The following MYO1D variants were observed in gnomAD, a reference collection of about 807,000 sequenced individuals.
MYO1D encodes the protein unconventional myosin-Id.
Under a neutral mutation model 122.0 loss-of-function variants are expected in MYO1D, and 83 were observed. The observed-to-expected ratio is 0.68, with a 90% CI of 0.57 to 0.82. MYO1D has a LOEUF of 0.82. MYO1D is among the 40% of genes least tolerant of loss of function. MYO1D has a pLI of 0.00. For synonymous variants in MYO1D, 464 were observed against 446.9 expected (o/e 1.04, Z -0.48); for missense variants, 1,157 against 1,269.5 (o/e 0.91, Z 1.35).
intron 3 of MYO1D, 23 bp downstream of exon 3, chr17:32,778,457 C>T (rs760987322): frequency 6.3e-7 from 1 of 1,595,960 alleles, no homozygotes. Context: ...AAGAATTCCT[C>T]CCCATTATTA....
At chr17:32,859,021 C>A (rs1172248884) in intron 1 of MYO1D, among the ~76,000 whole-genome samples, 1 of 152,200 alleles carries the variant, frequency 6.6e-6, no homozygotes, top group Admixed American at 6.5e-5. Flanking sequence ...ACCCATTTCT[C>A]CACAAAGCCC....
chr17:32,683,205 T>C (rs1184952544), intron 16 of MYO1D, among the ~76,000 whole-genome samples: 3 of 150,722 alleles, frequency 2.0e-5, no homozygotes, highest in Non-Finnish European at 4.4e-5. Flanking sequence ...TGTCCTCCCG[T>C]AGCTTAGAGT....
At chr17:32,663,187 G>A (rs1192553853) in intron 16 of MYO1D, among the ~76,000 whole-genome samples, 1 of 152,120 alleles carries the variant, frequency 6.6e-6, no homozygotes, top group African/African-American at 2.4e-5. Context: ...AAAGTGCTGG[G>A]ATTACAGGTG....
rs1567906348 is a variant in MYO1D at position 32,605,119 on chromosome 17, T to C, written c.2832A>G (p.Glu944=). ...AATGATTCACCAGCACTCCAACAAG[T>C]TCTCCAATTCGACTCTCATGGGTTG... ...KQPTHESRIG[E]LVGVLVNHFK... is the part of the protein sequence containing the mutation. Residue 944 remains glutamate, a synonymous_variant, in exon 21 of 22, where the codon GAA becomes GAG. Coordinates refer to ENST00000318217, the MANE Select transcript of MYO1D (RefSeq NM_015194.3). 1.9e-6 allele frequency: 3 copies of C among 1,602,882 alleles called. No individual in the cohort carries two copies. The highest frequency in any genetic ancestry group is 4.5e-5 in the East Asian group (2 of 44,554).
chr17:32,528,930 CAT>C (rs1910428732), intron 21 of MYO1D: 2 of 152,224 alleles, frequency 1.3e-5, no homozygotes, highest in African/African-American at 4.8e-5. Context: ...GAGAAAAAAA[CAT>C]GTCTGTGGTT....
chr17:32,686,780 C>G (rs2089014913), intron 16 of MYO1D, among the ~76,000 whole-genome samples: 1 of 152,042 alleles, frequency 6.6e-6, no homozygotes, highest in Non-Finnish European at 1.5e-5. Context: ...CAGGAGGGAT[C>G]ACCTGAGCCC....
chr17:32,520,840 T>C (rs1199531477), intron 21 of MYO1D, among the ~76,000 whole-genome samples: 2 of 152,222 alleles, frequency 1.3e-5, no homozygotes, highest in African/African-American at 4.8e-5. Context: ...CGTGAACTGC[T>C]GTTATTCCTG....
intron 21 of MYO1D, among the ~76,000 whole-genome samples, chr17:32,522,652 G>T (rs1362908453): frequency 6.6e-6 from 1 of 152,140 alleles, no homozygotes; most frequent in Non-Finnish European, 1.5e-5. Flanking sequence ...CTAAGGGGCA[G>T]TATGAGGACC....
intron 2 of MYO1D, among the ~76,000 whole-genome samples, chr17:32,779,847 C>G (rs1386181878): frequency 6.6e-6 from 1 of 152,038 alleles, no homozygotes; most frequent in African/African-American, 2.4e-5. Flanking sequence ...GTTTTGCTCA[C>G]CAAAATGGAA....
intron 16 of MYO1D, among the ~76,000 whole-genome samples, chr17:32,675,488 G>A (rs1037082822): frequency 2.0e-5 from 3 of 151,956 alleles, no homozygotes; most frequent in African/African-American, 7.2e-5. Flanking sequence ...GAAAATTGAG[G>A]TTTCTTAATT....
At chr17:32,637,663 T>C (rs1382093496) in intron 20 of MYO1D, among the ~76,000 whole-genome samples, 1 of 152,074 alleles carries the variant, frequency 6.6e-6, no homozygotes, top group Non-Finnish European at 1.5e-5. Flanking sequence ...AGAGTCAAAC[T>C]GTCTAAAAAA....
intron 16 of MYO1D, among the ~76,000 whole-genome samples, chr17:32,702,722 T>C (rs574343321): frequency 9.3e-4 from 141 of 152,348 alleles, no homozygotes; most frequent in Non-Finnish European, 1.7e-3. Flanking sequence ...TTATAGCAAG[T>C]ATTTCTATTA....
intron 1 of MYO1D, among the ~76,000 whole-genome samples, chr17:32,827,663 T>A (rs374991162): frequency 2.6e-4 from 40 of 152,118 alleles, no homozygotes; most frequent in African/African-American, 8.9e-4. Flanking sequence ...TCGATTCAAC[T>A]GACATGAACA....
At position 32,632,068 on chromosome 17, in the gene MYO1D, C is replaced by T. The variant is rs1306787126; in HGVS notation, c.2709+6654G>A. On this transcript the variant is annotated intron_variant, in intron 20 of 21. Transcript: ENST00000318217. ...TGCTAACTAAAGTAGAAAATATATT[C>T]TCCTAAAGCTTGCACCCAATTATAG... 3.3e-5 allele frequency among the ~76,000 whole-genome samples: 5 copies of T among 150,060 alleles called. No individual in the cohort carries two copies. In the East Asian group the frequency reaches 9.6e-4, roughly 29 times the overall value.
intron 1 of MYO1D, among the ~76,000 whole-genome samples, chr17:32,836,415 G>T (rs1209208606): frequency 6.6e-6 from 1 of 152,168 alleles, no homozygotes; most frequent in Non-Finnish European, 1.5e-5. Context: ...CCCCCTTAGA[G>T]ATCAATACAT....
rs1718791474 is a variant in MYO1D, at chr17:32,648,017, C to A, written c.2595+5826G>T. 2.0e-5 allele frequency among the ~76,000 whole-genome samples: 3 copies of A among 152,152 alleles called. No homozygotes were observed. The South Asian group carries it at 6.2e-4, about 32-fold the overall frequency. ...TCACTTGAGGTCAGGAGTTCGAGAC[C>A]AGCCTGGCCAACATGGTGAAACCCT... On this transcript the variant is annotated intron_variant, in intron 19 of 21. Coordinates refer to ENST00000318217, the MANE Select transcript of MYO1D (RefSeq NM_015194.3).
chr17:32,612,653 C>T (rs1200276307), intron 20 of MYO1D, among the ~76,000 whole-genome samples: 2 of 125,038 alleles, frequency 1.6e-5, no homozygotes, highest in Admixed American at 1.0e-4. Flanking sequence ...CACTGCACTC[C>T]AGCCTGGGTG....
chr17:32,522,081 C>CAAAAAAAAA (rs35096680), intron 21 of MYO1D, among the ~76,000 whole-genome samples: 3 of 63,248 alleles, frequency 4.7e-5, no homozygotes, highest in Admixed American at 2.4e-4. Context: ...GACTCTGTCT[C>CAAAAAAAAA]AAAAAAAAAA....
chr17:32,812,943 T>G (rs1286553426), intron 1 of MYO1D, among the ~76,000 whole-genome samples: 1 of 152,240 alleles, frequency 6.6e-6, no homozygotes, highest in Admixed American at 6.5e-5. Flanking sequence ...TAACTTTTCA[T>G]GAACAATTTT....
Sources: gnomAD v4.1 joint callset for allele counts (sites outside exome capture counted in the v4.1 genomes callset) on GRCh38, gnomAD v4.1.1 for gene constraint, MANE v1.5 for transcripts, NCBI Gene and HGNC (gene_info 2026-07-23, HGNC 2026-07-21) for gene names.